Variants in HNRNPM observed in about 807,000 individuals in gnomAD.
HNRNPM encodes the protein heterogeneous nuclear ribonucleoprotein M.
HNRNPM carries 11 observed loss-of-function variants against 73.1 expected under a neutral mutation model. The observed-to-expected ratio is 0.15, with a 90% CI of 0.09 to 0.25. HNRNPM has a LOEUF of 0.25. HNRNPM is among the 10% of genes least tolerant of loss of function. The pLI is 1.00. For missense variants in HNRNPM, 789 were observed against 1,067.9 expected (o/e 0.74, Z 3.64); for synonymous variants, 407 against 355.2 (o/e 1.15, Z -1.64).
rs1971224250 is a variant in HNRNPM, at chr19:8,485,634, G to C, written c.1206G>C (p.Glu402Asp). Residue 402 changes from glutamate (E) to aspartate (D), a missense_variant, in exon 14 of 16, where the codon GAG becomes GAC. Transcript: ENST00000325495. ...GTGGAGGAAGCGTCCCTGGGATCGA[G>C]AGGATGGGTCCTGGCATTGACCGCC... ...GGGGGSVPGI[E>D]RMGPGIDRLG... is the part of the protein sequence containing the mutation. 1 of 1,603,680 alleles carries C rather than the reference G, an allele frequency of 6.2e-7. No homozygotes were observed.
chr19:8,460,246 T>C (rs1398552925), intron 2 of HNRNPM, among the ~76,000 whole-genome samples: 1 of 152,230 alleles, frequency 6.6e-6, no homozygotes, highest in African/African-American at 2.4e-5. Flanking sequence ...GCTTTGCTAT[T>C]GTAGAACCAA....
Position 8,473,923 on chromosome 19 carries a change from C to G in HNRNPM, c.1042+215C>G, listed in dbSNP as rs879186303. Among the ~76,000 whole-genome samples the G allele has an allele frequency of 3.3e-5, 5 of 151,892 alleles. No individual in the cohort carries two copies. The South Asian group carries it at 1.0e-3, about 31-fold the overall frequency. ...ACTAGCTCTGTGACCTTGGGCAGAC[C>G]ACTCCATCTCTATGCCTCTTTTTGC... On this transcript the variant is annotated intron_variant, in intron 11 of 15. Coordinates refer to ENST00000325495, the MANE Select transcript of HNRNPM (RefSeq NM_005968.5).
chr19:8,478,969 T>G (rs1970702190), intron 12 of HNRNPM, among the ~76,000 whole-genome samples: 1 of 152,198 alleles, frequency 6.6e-6, no homozygotes, highest in African/African-American at 2.4e-5. Context: ...TAGAGAGGTT[T>G]TCTAAAGTTG....
chr19:8,486,118 G>C lies in HNRNPM; in HGVS notation c.1690G>C (p.Glu564Gln). The change falls in exon 14 of 16, where the codon GAG becomes CAG. Residue 564 changes from glutamate (E) to glutamine (Q), a missense_variant. Glu to Gln is a conservative substitution (Grantham distance 29). This residue lies in a region of HNRNPM where 604 missense variants were observed against 744.0 expected (regional missense o/e 0.81). Transcript: ENST00000325495. The part of the protein sequence containing the change: ...GLERMGANNL[E>Q]RMGLERMGAN... ...GGAGCGCATGGGCGCCAACAATCTG[G>C]AGCGGATGGGCCTGGAGCGCATGGG... 6.2e-7 allele frequency: 1 copy of C among 1,606,104 alleles called. No homozygotes were observed. The highest frequency in any genetic ancestry group is 1.1e-5 in the South Asian group (1 of 91,030).
Position 8,488,724 on chromosome 19 carries a change from A to G in HNRNPM, c.2063A>G (p.Asn688Ser), listed in dbSNP as rs746349678. 1 of 1,614,062 alleles carries G rather than the reference A, an allele frequency of 6.2e-7. No homozygotes were observed. The highest frequency in any genetic ancestry group is 8.5e-7 in the Non-Finnish European group (1 of 1,179,966). The change falls in exon 16 of 16, where the codon AAT becomes AGT. Residue 688 changes from asparagine to serine, a missense_variant. Coordinates refer to ENST00000325495, the MANE Select transcript of HNRNPM (RefSeq NM_005968.5). Reference protein sequence around the residue: ...HVLYADIKMENGKSKGCGVVK... With the variant: ...HVLYADIKMESGKSKGCGVVK... Reference sequence around the variant, plus strand: ...CTGTACGCCGACATCAAGATGGAGAATGGGAAGTCCAAGGGGTGTGGCGTG... The same window carrying G: ...CTGTACGCCGACATCAAGATGGAGAGTGGGAAGTCCAAGGGGTGTGGCGTG...
At position 8,482,945 on chromosome 19, in the gene HNRNPM, G is replaced by A. The variant is rs1971023437; in HGVS notation, c.1121-213G>A. 15 of 537,672 alleles carry A rather than the reference G, an allele frequency of 2.8e-5. No individual in the cohort carries two copies. The South Asian group carries it at 3.2e-4, about 12-fold the overall frequency. The allele number at this position is 537,672 out of a possible 1,614,324, so 33.3% of individuals were successfully genotyped here. ...CCCCGCACGCTGGGCCTCAGACTCT[G>A]GAGCTACGTGGGGTCTTGGCATCGT... On this transcript the variant is annotated intron_variant, in intron 12 of 15. Coordinates refer to ENST00000325495, the MANE Select transcript of HNRNPM (RefSeq NM_005968.5).
At position 8,470,461 on chromosome 19, in the gene HNRNPM, G is replaced by A. The variant is rs546525644; in HGVS notation, c.896-865G>A. Among the ~76,000 whole-genome samples the A allele has an allele frequency of 8.3e-4, 126 of 152,148 alleles. 1 individual carries two copies. The highest frequency in any genetic ancestry group is 3.0e-3 in the African/African-American group (124 of 41,492). On this transcript the variant is annotated intron_variant, in intron 9 of 15. Coordinates refer to ENST00000325495, the MANE Select transcript of HNRNPM (RefSeq NM_005968.5). ...TCCTGTCAGCCTTCCAAGTAGCAGC[G>A]ATTACAGGCATGTGCCACCATGCCA... is the stretch of plus-strand genomic sequence containing the variant.
At chr19:8,459,750 G>T (rs1276143841) in intron 2 of HNRNPM, among the ~76,000 whole-genome samples, 2 of 152,148 alleles carry the variant, frequency 1.3e-5, no homozygotes, top group African/African-American at 2.4e-5. Flanking sequence ...AGCTCCCAGG[G>T]ACCGCCTGAG....
chr19:8,484,237 C>T (rs1971115018), intron 13 of HNRNPM, among the ~76,000 whole-genome samples: 1 of 145,860 alleles, frequency 6.9e-6, no homozygotes, highest in Non-Finnish European at 1.5e-5. Flanking sequence ...AGTGCAGTGG[C>T]ACGATCTCGG....
chr19:8,450,729 T>TATTATTATTATTATTA (rs78327498), intron 1 of HNRNPM, among the ~76,000 whole-genome samples: 10 of 125,064 alleles, frequency 8.0e-5, no homozygotes, highest in South Asian at 5.6e-4. Context: ...TTATTATTAT[T>TATTATTATTATTATTA]TTTTTTTTTT....
chr19:8,473,628 C>T (rs777249768), intron 10 of HNRNPM, 36 bp from the exon 11 acceptor site: 30 of 1,360,116 alleles, frequency 2.2e-5, no homozygotes, highest in Non-Finnish European at 8.4e-6. Flanking sequence ...ACTGCTTTGA[C>T]ATAATTTTAG....
chr19:8,472,304 CCTT>C (rs1181587499), intron 10 of HNRNPM, among the ~76,000 whole-genome samples: 1 of 151,688 alleles, frequency 6.6e-6, no homozygotes, highest in Non-Finnish European at 1.5e-5. Flanking sequence ...ATTTTTATGA[CCTT>C]AGACTTTGGT....
Position 8,445,007 on chromosome 19 carries a change from A to C in HNRNPM, c.9A>C (p.Ala3=). The change falls in exon 1 of 16, where the codon GCA becomes GCC. Residue 3 remains alanine, a synonymous_variant. Coordinates refer to ENST00000325495, the MANE Select transcript of HNRNPM (RefSeq NM_005968.5). The stretch of plus-strand genomic sequence containing the variant: ...GCCCAGACGCGGAGAAAATGGCGGC[A>C]GGGGTCGAAGCGGCGGCGGAGGTGG... MA[A]GVEAAAEVAA... The C allele has an allele frequency of 2.1e-6, 3 of 1,421,836 alleles. No homozygotes were observed. The highest frequency in any genetic ancestry group is 2.8e-6 in the Non-Finnish European group (3 of 1,089,776). 88.1% of individuals were successfully genotyped at this position (1,421,836 alleles called of 1,614,324 possible).
chr19:8,457,041 C>T (rs1224640063), intron 2 of HNRNPM, among the ~76,000 whole-genome samples: 1 of 152,194 alleles, frequency 6.6e-6, no homozygotes, highest in Non-Finnish European at 1.5e-5. Context: ...AATTTGTGTT[C>T]TCGTGATTTG....
chr19:8,474,856 AG>A (rs539454106), intron 12 of HNRNPM, among the ~76,000 whole-genome samples: 167 of 152,038 alleles, frequency 1.1e-3, no homozygotes, highest in African/African-American at 3.7e-3. Context: ...CTGGTATTAC[AG>A]GTGTGTGCCA....
At chr19:8,455,621 C>A (rs1490406149) in intron 2 of HNRNPM, 47 bp downstream of exon 2, 10 of 1,495,158 alleles carry the variant, frequency 6.7e-6, no homozygotes, top group African/African-American at 1.4e-5. Context: ...GGTGTGTCAT[C>A]TTTTCTGTGG....
intron 12 of HNRNPM, among the ~76,000 whole-genome samples, chr19:8,482,190 C>T (rs534356247): frequency 2.6e-5 from 4 of 152,254 alleles, no homozygotes; most frequent in East Asian, 3.9e-4. Context: ...ATCCTGACCT[C>T]AGGTGATCCA....
chr19:8,485,128 G>C (rs1201737937), intron 13 of HNRNPM, among the ~76,000 whole-genome samples: 2 of 151,972 alleles, frequency 1.3e-5, no homozygotes, highest in Admixed American at 1.3e-4. Flanking sequence ...CCCCAGCAGA[G>C]CATCCTAGAG....
chr19:8,444,981 A>G lies in HNRNPM; in HGVS notation c.-18A>G. ...CGGTGCAGCCCGTTCGCTCACACAA[A>G]GCCCAGACGCGGAGAAAATGGCGGC... On this transcript the variant is annotated 5_prime_UTR_variant, in exon 1 of 16. Coordinates refer to ENST00000325495, the MANE Select transcript of HNRNPM (RefSeq NM_005968.5). 1 of 1,387,276 alleles carries G rather than the reference A, an allele frequency of 7.2e-7. No homozygotes were observed. The allele number at this position is 1,387,276 out of a possible 1,614,324, so 85.9% of individuals were successfully genotyped here.
Sources: gnomAD v4.1 joint callset for allele counts (sites outside exome capture counted in the v4.1 genomes callset) on GRCh38, gnomAD v4.1.1 for gene constraint, gnomAD v4.1.1 regional missense constraint, MANE v1.5 for transcripts, NCBI Gene and HGNC (gene_info 2026-07-23, HGNC 2026-07-21) for gene names.